MARS1: variants seen among roughly 807,000 people sequenced by gnomAD.
MARS1 encodes the protein methionyl-tRNA synthetase 1, also known as methionine--tRNA ligase, cytoplasmic.
A neutral mutation model predicts 119.5 loss-of-function variants in MARS1; 80 were observed. That is an observed-to-expected ratio of 0.67 (90% confidence interval 0.56 to 0.81). MARS1 has a LOEUF of 0.81. MARS1 is among the 30% of genes least tolerant of loss of function. The pLI, the probability that MARS1 is intolerant of heterozygous loss-of-function variation, is 0.00. For synonymous variants in MARS1, 418 were observed against 433.4 expected, an observed-to-expected ratio of 0.96 and a Z score of 0.44; for missense variants, 945 against 1,116.5, an observed-to-expected ratio of 0.85 and a Z score of 2.19.
At chr12:57,504,695 A>ATTTTTTTTTTTTTTT (rs34351056) in intron 11 of MARS1, among the ~76,000 whole-genome samples, 1 of 83,602 alleles carries the variant, frequency 1.2e-5, no homozygotes, top group Non-Finnish European at 2.1e-5. Context: ...TGCCTGACTG[A>ATTTTTTTTTTTTTTT]TTTTTTTTTT....
chr12:57,493,922 TAA>T lies in MARS1; in HGVS notation c.770+3279_770+3280del, dbSNP rs1282468542. On this transcript the variant is annotated intron_variant, in intron 7 of 20. Transcript: ENST00000262027. ...TGTTATATAATATATATAATATATA[TAA>T]TATATATTATATATTATATATATAT... Among the ~76,000 whole-genome samples the T allele has an allele frequency of 5.9e-4, 45 of 76,380 alleles. 1 individual carries two copies. Among genetic ancestry groups the T allele is most frequent in the African/African-American group, 2.2e-3 (38 of 17,386 alleles). 50.1% of individuals were successfully genotyped at this position (76,380 alleles called of 152,430 possible).
intron 7 of MARS1, among the ~76,000 whole-genome samples, chr12:57,496,254 C>T (rs1876627206): frequency 6.6e-6 from 1 of 151,398 alleles, no homozygotes; most frequent in East Asian, 2.0e-4. Flanking sequence ...ACCTCTGCCT[C>T]CTGGGTTCAA....
chr12:57,488,212 G>C lies in MARS1; in HGVS notation c.109+13G>C. 2 of 1,603,680 alleles carry C rather than the reference G, an allele frequency of 1.2e-6. No homozygotes were observed. Among genetic ancestry groups the C allele is most frequent in the Non-Finnish European group, 1.7e-6 (2 of 1,172,020 alleles). On this transcript the variant is annotated intron_variant, in intron 1 of 20. Transcript: ENST00000262027. ...GTAGGCCCGGAAGGTACTCGTGCTG[G>C]TGCTGGTGGGCGGTGGATGGGGGGG... is the stretch of plus-strand genomic sequence containing the variant.
chr12:57,494,714 C>G (rs1267387163), intron 7 of MARS1, among the ~76,000 whole-genome samples: 2 of 151,802 alleles, frequency 1.3e-5, no homozygotes, highest in Non-Finnish European at 2.9e-5. Context: ...TGACTCTTAA[C>G]GAGCATGCTG....
intron 7 of MARS1, among the ~76,000 whole-genome samples, chr12:57,494,334 T>C (rs1594815062): frequency 6.9e-6 from 1 of 144,814 alleles, no homozygotes; most frequent in African/African-American, 2.6e-5. Context: ...TTTTCTTTTT[T>C]TTTTTTTTTT....
Position 57,498,561 on chromosome 12 carries a change from C to G in MARS1, c.1029C>G (p.Ile343Met). 1 of 1,614,240 alleles carries G rather than the reference C, an allele frequency of 6.2e-7. No individual in the cohort carries two copies. Among genetic ancestry groups the G allele is most frequent in the Non-Finnish European group, 8.5e-7 (1 of 1,180,040 alleles). ...AGTACCACATCATCCATGCTGACAT[C>G]TACCGCTGGTTTAACATTTCGTTTG... ...CDKYHIIHAD[I>M]YRWFNISFDI... The change falls in exon 9 of 21, where the codon ATC (isoleucine) becomes ATG (methionine). Residue 343 changes from isoleucine to methionine, a missense_variant. Physicochemically the swap from Ile to Met is conservative, Grantham distance 10. Coordinates refer to ENST00000262027, the MANE Select transcript of MARS1 (RefSeq NM_004990.4).
intron 8 of MARS1, 73 bp from the exon 9 acceptor site, chr12:57,498,347 G>T: frequency 6.3e-7 from 1 of 1,593,416 alleles, no homozygotes; most frequent in Admixed American, 1.7e-5. Context: ...CTTCAAGGGT[G>T]GGGCTGGGGA....
chr12:57,492,887 C>T (rs988785082), intron 7 of MARS1, among the ~76,000 whole-genome samples: 8 of 152,078 alleles, frequency 5.3e-5, no homozygotes, highest in South Asian at 2.1e-4. Flanking sequence ...GCTGGTCAGT[C>T]GGGGGCACAT....
chr12:57,493,839 T>TA lies in MARS1; in HGVS notation c.770+3197dup, dbSNP rs1162182825. ...ATTATATATATTATATTATATATTA[T>TA]AATATATAATATATATATTTATATT... On this transcript the variant is annotated intron_variant, in intron 7 of 20. Coordinates refer to ENST00000262027, the MANE Select transcript of MARS1 (RefSeq NM_004990.4). Among the ~76,000 whole-genome samples, 2 of 6,008 alleles carry TA rather than the reference T, an allele frequency of 3.3e-4. 1 individual carries two copies. The highest frequency in any genetic ancestry group is 1.1e-3 in the Non-Finnish European group (2 of 1,878). 3.9% of individuals were successfully genotyped at this position (6,008 alleles called of 152,430 possible).
At position 57,500,189 on chromosome 12, in the gene MARS1, G is replaced by A. The variant is rs1876853146; in HGVS notation, c.1092-132G>A. On this transcript the variant is annotated intron_variant, in intron 9 of 20. Coordinates refer to ENST00000262027, the MANE Select transcript of MARS1 (RefSeq NM_004990.4). ...TAAAACTCTCAAAAGATGAATAGATGCCCTTTTCCTTGAGGAGCCTTCTGC... is the reference window on the plus strand; with the variant it reads ...TAAAACTCTCAAAAGATGAATAGATACCCTTTTCCTTGAGGAGCCTTCTGC... The A allele has an allele frequency of 1.1e-5, 8 of 737,770 alleles. No individual in the cohort carries two copies. The Admixed American group carries it at 1.5e-4, about 14-fold the overall frequency. The allele number at this position is 737,770 out of a possible 1,614,324, so 45.7% of individuals were successfully genotyped here. A position where few individuals can be genotyped will look rare whatever the true frequency, so the allele number is the denominator to read the frequency against.
At chr12:57,497,444 T>A (rs1876688473) in intron 7 of MARS1, among the ~76,000 whole-genome samples, 1 of 152,118 alleles carries the variant, frequency 6.6e-6, no homozygotes, top group African/African-American at 2.4e-5. Flanking sequence ...TAGTGTAGTG[T>A]CAGTGCTAAA....
At chr12:57,507,840 C>T (rs1245545849) in intron 11 of MARS1, among the ~76,000 whole-genome samples, 3 of 150,554 alleles carry the variant, frequency 2.0e-5, no homozygotes, top group East Asian at 2.0e-4. Context: ...GGCTGCCGGG[C>T]GGAGACGCTC....
chr12:57,493,931 T>TAA (rs1555166381), intron 7 of MARS1, among the ~76,000 whole-genome samples: 18 of 65,770 alleles, frequency 2.7e-4, no homozygotes, highest in African/African-American at 1.3e-3. Context: ...ATAATATATA[T>TAA]TATATATTAT....
intron 20 of MARS1, 26 bp from the exon 21 acceptor site, chr12:57,516,409 T>TA: frequency 3.1e-6 from 5 of 1,612,090 alleles, no homozygotes; most frequent in African/African-American, 1.3e-5. Flanking sequence ...GCCTCACTGT[T>TA]ACCTCCCCAC....
At chr12:57,502,722 AGC>A (rs1876981159) in intron 10 of MARS1, among the ~76,000 whole-genome samples, 10 of 130,852 alleles carry the variant, frequency 7.6e-5, no homozygotes, top group Admixed American at 7.7e-5. Context: ...AAAAAAAAAA[AGC>A]AACAACAACA....
In MARS1 at chr12:57,515,263, TCC is replaced by T. The variant is rs1565652369; in HGVS notation, c.2320_2321del (p.Pro774ThrfsTer34). Reference sequence around the variant, plus strand: ...GCCACAATCCAGGCCCAGCTGCAGCTCCCACCTCCAGCCTGCAGTATCCTGCT... The same window carrying T: ...GCCACAATCCAGGCCCAGCTGCAGCTCACCTCCAGCCTGCAGTATCCTGCT... On this transcript the variant is annotated frameshift_variant, in exon 18 of 21. Transcript: ENST00000262027. LOFTEE classifies it high-confidence loss of function. 1.2e-6 allele frequency: 2 copies of T among 1,613,974 alleles called. No individual in the cohort carries two copies. Among genetic ancestry groups the T allele is most frequent in the African/African-American group, 2.7e-5 (2 of 75,016 alleles).
intron 7 of MARS1, among the ~76,000 whole-genome samples, chr12:57,495,293 C>G (rs892839770): frequency 2.0e-5 from 3 of 150,842 alleles, no homozygotes; most frequent in Non-Finnish European, 3.0e-5. Flanking sequence ...GGGCGGCTGC[C>G]GGGCGGACAC....
Position 57,493,438 on chromosome 12 carries a change from T to TAA in MARS1, c.770+2794_770+2795insAA, listed in dbSNP as rs1491258934. ...TATATTATATGATATGTATAATATA[T>TAA]TACATAATATATAATATATTATAAT... On this transcript the variant is annotated intron_variant, in intron 7 of 20. Transcript: ENST00000262027. 1.7e-3 allele frequency among the ~76,000 whole-genome samples: 3 copies of TAA among 1,796 alleles called. 1 individual carries two copies. The highest frequency in any genetic ancestry group is 1.9e-3 in the African/African-American group (3 of 1,612). 1.2% of individuals were successfully genotyped at this position (1,796 alleles called of 152,430 possible). A position where few individuals can be genotyped will look rare whatever the true frequency, so the allele number is the denominator to read the frequency against.
chr12:57,506,273 A>G (rs2140026190), intron 11 of MARS1, among the ~76,000 whole-genome samples: 1 of 152,172 alleles, frequency 6.6e-6, no homozygotes, highest in Non-Finnish European at 1.5e-5. Context: ...AGAAAAAAAG[A>G]AAAAATTAGC....
Sources: gnomAD v4.1 joint callset for allele counts (sites outside exome capture counted in the v4.1 genomes callset) on GRCh38, gnomAD v4.1.1 for gene constraint, MANE v1.5 for transcripts, NCBI Gene and HGNC (gene_info 2026-07-23, HGNC 2026-07-21) for gene names.